Variants in WDR7 observed in about 807,000 individuals in gnomAD.
WDR7 encodes WD repeat-containing protein 7.
A neutral mutation model predicts 169.4 loss-of-function variants in WDR7; 46 were observed. That is an observed-to-expected ratio of 0.27 (90% CI 0.21 to 0.35). The LOEUF (loss-of-function observed/expected upper bound fraction) is 0.35, where lower values mean the gene tolerates loss of function less well. Among genes scored for constraint, WDR7 ranks in the 10% least tolerant of loss-of-function variants. The pLI, the probability that WDR7 is intolerant of heterozygous loss-of-function variation, is 1.00. For missense variants in WDR7, 1,534 were observed against 1,859.3 expected, an observed-to-expected ratio of 0.83 and a Z score of 3.22; for synonymous variants, 612 against 666.8, an observed-to-expected ratio of 0.92 and a Z score of 1.27.
chr18:56,897,955 G>A (rs1312049087), intron 21 of WDR7, among the ~76,000 whole-genome samples: 2 of 151,838 alleles, frequency 1.3e-5, no homozygotes, highest in African/African-American at 4.8e-5. Flanking sequence ...GAGGGTCCAG[G>A]AGCAATGACA....
chr18:57,030,532 A>G (rs1599261534), downstream of WDR7: 1 of 152,320 alleles, frequency 6.6e-6, no homozygotes, highest in East Asian at 1.9e-4. Flanking sequence ...AACTGATCAA[A>G]TGTGGAAAGG....
intron 7 of WDR7, 150 bp downstream of exon 7, chr18:56,687,124 G>A: frequency 1.3e-6 from 1 of 783,664 alleles, no homozygotes; most frequent in Non-Finnish European, 1.9e-6. Flanking sequence ...ATTTTGAGAA[G>A]TTGGGACTTG....
intron 6 of WDR7, among the ~76,000 whole-genome samples, chr18:56,686,384 G>A (rs1186302960): frequency 6.6e-6 from 1 of 151,902 alleles, no homozygotes; most frequent in Non-Finnish European, 1.5e-5. Flanking sequence ...AATATACAAA[G>A]CCATTTTTAG....
chr18:57,019,284 G>A (rs899610994), intron 26 of WDR7, among the ~76,000 whole-genome samples: 5 of 152,226 alleles, frequency 3.3e-5, no homozygotes, highest in South Asian at 4.2e-4. Flanking sequence ...TGTGCAGAAC[G>A]CTACGTATTA....
At chr18:57,033,581 C>T (rs942236026), downstream of WDR7, 4 of 152,146 alleles carry the variant, frequency 2.6e-5, no homozygotes, top group Non-Finnish European at 2.9e-5. Flanking sequence ...TTAAGAAAAG[C>T]TTTTGTTGTT....
At chr18:56,802,284 T>G (rs997680795) in intron 19 of WDR7, among the ~76,000 whole-genome samples, 12 of 152,228 alleles carry the variant, frequency 7.9e-5, no homozygotes, top group African/African-American at 2.9e-4. Flanking sequence ...TTACATCTTT[T>G]GTCCAATTTT....
Position 56,805,762 on chromosome 18 carries a change from T to C in WDR7, c.3191-10269T>C, listed in dbSNP as rs184783491. 4.6e-5 allele frequency among the ~76,000 whole-genome samples: 7 copies of C among 152,280 alleles called. No homozygotes were observed. The East Asian group carries it at 1.4e-3, about 29-fold the overall frequency. On this transcript the variant is annotated intron_variant, in intron 19 of 27. Coordinates refer to ENST00000254442, the MANE Select transcript of WDR7 (RefSeq NM_015285.3). Reference sequence around the variant, plus strand: ...TTGTAATTATATTTACCAGTGATTCTACTTCATTTTCCATACTGGAACCAG... The same window carrying C: ...TTGTAATTATATTTACCAGTGATTCCACTTCATTTTCCATACTGGAACCAG...
intron 19 of WDR7, among the ~76,000 whole-genome samples, chr18:56,794,195 A>G (rs540207339): frequency 1.3e-5 from 2 of 151,522 alleles, no homozygotes; most frequent in South Asian, 2.1e-4. Flanking sequence ...CTCCTGGGTA[A>G]TCTTATTTTC....
At chr18:56,981,511 G>A (rs776331960) in intron 26 of WDR7, among the ~76,000 whole-genome samples, 2 of 152,084 alleles carry the variant, frequency 1.3e-5, no homozygotes, top group Non-Finnish European at 2.9e-5. Context: ...ATAGGGCTGG[G>A]ACAAAGCCCT....
chr18:57,013,468 TTTAAA>T (rs56034480), intron 26 of WDR7, among the ~76,000 whole-genome samples: 120,088 of 151,770 alleles, frequency 0.79, 48,603 homozygotes, highest in East Asian at 0.88. Flanking sequence ...CACTTTTTGT[TTTAAA>T]TTAAAGTATT....
intron 12 of WDR7, among the ~76,000 whole-genome samples, chr18:56,697,170 T>C (rs1044019627): frequency 6.6e-6 from 1 of 152,226 alleles, no homozygotes; most frequent in African/African-American, 2.4e-5. Flanking sequence ...TTTGCACATA[T>C]AGAGACATCG....
At chr18:56,766,251 GTTC>G (rs2044064697) in intron 16 of WDR7, among the ~76,000 whole-genome samples, 1 of 152,012 alleles carries the variant, frequency 6.6e-6, no homozygotes, top group African/African-American at 2.4e-5. Context: ...TCAGTGTAGT[GTTC>G]TTCATGTTTC....
chr18:56,970,017 A>G (rs2047461237), intron 26 of WDR7, among the ~76,000 whole-genome samples: 1 of 152,156 alleles, frequency 6.6e-6, no homozygotes, highest in African/African-American at 2.4e-5. Context: ...GTACTTCTTT[A>G]TTCATCTATA....
intron 26 of WDR7, among the ~76,000 whole-genome samples, chr18:57,003,923 A>C (rs922269514): frequency 5.9e-5 from 9 of 151,956 alleles, no homozygotes; most frequent in Admixed American, 3.3e-4. Flanking sequence ...TTTTGAATAT[A>C]GTATTCCCTC....
At chr18:56,800,544 A>G (rs1022908852) in intron 19 of WDR7, among the ~76,000 whole-genome samples, 23 of 152,198 alleles carry the variant, frequency 1.5e-4, no homozygotes, top group Admixed American at 2.0e-4. Context: ...CTTCATAAAA[A>G]TAAATACATA....
chr18:56,751,594 A>AT (rs945950820), intron 14 of WDR7, among the ~76,000 whole-genome samples: 18 of 152,050 alleles, frequency 1.2e-4, no homozygotes, highest in African/African-American at 4.3e-4. Flanking sequence ...ATATGATGAT[A>AT]TTTTATCTTT....
chr18:56,738,690 T>C (rs1049349102), intron 14 of WDR7, among the ~76,000 whole-genome samples: 2 of 152,004 alleles, frequency 1.3e-5, no homozygotes, highest in Non-Finnish European at 2.9e-5. Context: ...CTGGCACTTA[T>C]AAGCTAAGAA....
chr18:56,915,635 A>G (rs776089076), intron 21 of WDR7, among the ~76,000 whole-genome samples: 1 of 152,206 alleles, frequency 6.6e-6, no homozygotes, highest in Non-Finnish European at 1.5e-5. Context: ...AGGGGGGACC[A>G]AAGCCCGAGA....
intron 12 of WDR7, among the ~76,000 whole-genome samples, chr18:56,714,872 T>C (rs2026159525): frequency 6.6e-6 from 1 of 151,596 alleles, no homozygotes; most frequent in Non-Finnish European, 1.5e-5. Context: ...AGAATCTTGG[T>C]GTTAAAGCTC....
Sources: allele counts gnomAD v4.1 joint callset (sites outside exome capture counted in the v4.1 genomes callset), GRCh38; gene constraint gnomAD v4.1.1; transcripts MANE v1.5; gene names NCBI Gene and HGNC (gene_info 2026-07-23, HGNC 2026-07-21).